Variants in AP4S1 observed in about 807,000 individuals in gnomAD.
The protein encoded by AP4S1 is AP-4 complex subunit sigma-1.
AP4S1 carries 23 observed loss-of-function variants against 19.8 expected under a neutral mutation model. The ratio of observed to expected loss-of-function variants is 1.16; its 90% CI spans 0.84 to 1.65. The LOEUF is 1.65. Ranked by LOEUF, AP4S1 falls within the 40% of genes most tolerant of loss-of-function variation. The probability of loss-of-function intolerance (pLI) is 0.00; values close to 1 mark genes in which losing one functional copy is unlikely to be tolerated. For synonymous variants in AP4S1, 46 were observed against 54.1 expected (o/e 0.85, Z 0.66); for missense variants, 166 against 172.8 (o/e 0.96, Z 0.22).
At chr14:31,070,666 T>C (rs1318972094) in intron 3 of AP4S1, among the ~76,000 whole-genome samples, 5 of 152,180 alleles carry the variant, frequency 3.3e-5, no homozygotes, top group African/African-American at 9.7e-5. Context: ...AGAATGCCTT[T>C]TTCTGTTGTA....
chr14:31,084,868 A>T (rs1887849457), intron 5 of AP4S1: 2 of 1,614,068 alleles, frequency 1.2e-6, no homozygotes, highest in Non-Finnish European at 1.7e-6. Context: ...TGCCTCCACC[A>T]CCCCCATCTA....
rs2139067610 is a variant in AP4S1, at chr14:31,072,887, TTTC to T, written c.226-12_226-10del. 1.9e-6 allele frequency: 3 copies of T among 1,601,596 alleles called. No individual in the cohort carries two copies. The highest frequency in any genetic ancestry group is 2.6e-6 in the Non-Finnish European group (3 of 1,168,806). ...AAGCGACACTAAAATTGATTGTACC[TTTC>T]TTCTTTTATTGTAGAACGAGATGGC... On this transcript the variant is annotated splice_polypyrimidine_tract_variant and intron_variant, in intron 3 of 5. Transcript: ENST00000542754.
Position 31,073,293 on chromosome 14 carries a change from A to G in AP4S1, c.294+320A>G, listed in dbSNP as rs190330158. 1,313 of 295,222 alleles carry G rather than the reference A, an allele frequency of 4.4e-3. 11 individuals are homozygous for G. The highest frequency in any genetic ancestry group is 0.018 in the African/African-American group (832 of 45,648). The allele number at this position is 295,222 out of a possible 1,614,324, so 18.3% of individuals were successfully genotyped here. The stretch of plus-strand genomic sequence containing the variant: ...ATCACAAGGTCAGGAGATGGAGACC[A>G]TCCTGGCTAATACGGTGAAACCCCG... On this transcript the variant is annotated intron_variant, in intron 4 of 5. Transcript: ENST00000542754.
chr14:31,025,847 C>A, intron 1 of AP4S1, 60 bp downstream of exon 1: 1 of 1,555,608 alleles, frequency 6.4e-7, no homozygotes. Context: ...CCCAGCCCCA[C>A]CCCCCGGCCG....
chr14:31,025,835 TC>T, intron 1 of AP4S1, 48 bp downstream of exon 1: 1 of 1,540,534 alleles, frequency 6.5e-7, no homozygotes, highest in Non-Finnish European at 8.7e-7. Flanking sequence ...CTGAGTGGAG[TC>T]CCCAGCCCCA....
At chr14:31,032,153 G>A (rs1287322397) in intron 1 of AP4S1, among the ~76,000 whole-genome samples, 6 of 151,910 alleles carry the variant, frequency 3.9e-5, no homozygotes, top group Non-Finnish European at 8.8e-5. Flanking sequence ...AGGCCAAAGC[G>A]GGCAGATCAC....
chr14:31,080,485 C>A (rs777535561), intron 4 of AP4S1, 88 bp from the exon 5 acceptor site: 3 of 1,128,764 alleles, frequency 2.7e-6, no homozygotes, highest in Non-Finnish European at 4.0e-6. Flanking sequence ...CTGCTATGGA[C>A]GCAGAAGCCT....
At chr14:31,068,553 C>G (rs1466485658) in intron 2 of AP4S1, among the ~76,000 whole-genome samples, 2 of 152,238 alleles carry the variant, frequency 1.3e-5, no homozygotes, top group African/African-American at 2.4e-5. Context: ...TAGCCACATA[C>G]TTTAAGTAAA....
chr14:31,035,193 CTTT>C (rs11393950), intron 1 of AP4S1, among the ~76,000 whole-genome samples: 3 of 103,620 alleles, frequency 2.9e-5, no homozygotes, highest in African/African-American at 1.1e-4. Context: ...ATGGTAATTC[CTTT>C]TTTTTTTTTT....
At chr14:31,071,792 C>T (rs575467055) in intron 3 of AP4S1, among the ~76,000 whole-genome samples, 1 of 152,280 alleles carries the variant, frequency 6.6e-6, no homozygotes, top group Non-Finnish European at 1.5e-5. Context: ...TCACTGCAGC[C>T]TTGACCTCCT....
chr14:31,079,425 C>T (rs1398935416), intron 4 of AP4S1, among the ~76,000 whole-genome samples: 2 of 152,036 alleles, frequency 1.3e-5, no homozygotes, highest in African/African-American at 4.8e-5. Flanking sequence ...GAGGAGGCTG[C>T]ACATTCGGAG....
intron 1 of AP4S1, chr14:31,026,567 C>T (rs945817595): frequency 3.9e-5 from 7 of 180,088 alleles, no homozygotes; most frequent in African/African-American, 4.7e-5. Context: ...GAACGCAGCC[C>T]GGGTCGCCGT....
At chr14:31,066,918 C>T (rs1886748708) in intron 2 of AP4S1, among the ~76,000 whole-genome samples, 1 of 152,126 alleles carries the variant, frequency 6.6e-6, no homozygotes, top group Admixed American at 6.5e-5. Flanking sequence ...TCATGTGAAA[C>T]AACAAATTTA....
At chr14:31,029,248 T>A (rs1040310635) in intron 1 of AP4S1, among the ~76,000 whole-genome samples, 3 of 152,226 alleles carry the variant, frequency 2.0e-5, no homozygotes, top group Non-Finnish European at 4.4e-5. Context: ...GCACTATCAC[T>A]GCTGCCTGAT....
chr14:31,091,564 A>G (rs1445820780), intron 5 of AP4S1, among the ~76,000 whole-genome samples: 2 of 150,832 alleles, frequency 1.3e-5, no homozygotes, highest in African/African-American at 4.9e-5. Flanking sequence ...GACAGTTCCC[A>G]TGGGTCCTTG....
intron 5 of AP4S1, among the ~76,000 whole-genome samples, chr14:31,082,788 T>G (rs373320559): frequency 6.6e-6 from 1 of 150,868 alleles, no homozygotes; most frequent in Non-Finnish European, 1.5e-5. Context: ...CCCAGCTACT[T>G]GGGAGGCTGA....
intron 4 of AP4S1, among the ~76,000 whole-genome samples, chr14:31,076,391 A>ATT (rs1887362009): frequency 6.6e-6 from 1 of 152,190 alleles, no homozygotes; most frequent in African/African-American, 2.4e-5. Context: ...TGTAGTTGTC[A>ATT]TTTGTGTTTC....
chr14:31,065,374 C>T (rs564401924), intron 1 of AP4S1, among the ~76,000 whole-genome samples: 42 of 152,304 alleles, frequency 2.8e-4, no homozygotes, highest in African/African-American at 1.0e-3. Flanking sequence ...CTTGTCCCTC[C>T]CTTCTGTACA....
At chr14:31,028,725 C>G (rs1193027216) in intron 1 of AP4S1, among the ~76,000 whole-genome samples, 1 of 151,940 alleles carries the variant, frequency 6.6e-6, no homozygotes, top group East Asian at 1.9e-4. Context: ...CCAGCCTGGC[C>G]AACATGGCAA....
Sources: gnomAD v4.1 joint callset for allele counts (sites outside exome capture counted in the v4.1 genomes callset) on GRCh38, gnomAD v4.1.1 for gene constraint, MANE v1.5 for transcripts, NCBI Gene and HGNC (gene_info 2026-07-23, HGNC 2026-07-21) for gene names.